DNAH5: variants seen among roughly 807,000 people sequenced by gnomAD.
DNAH5 encodes the protein axonemal beta dynein heavy chain 5.
In DNAH5, 372 loss-of-function variants were observed where a neutral mutation model predicts 518.2. The observed-to-expected ratio is 0.72, with a 90% CI of 0.66 to 0.78. The LOEUF (loss-of-function observed/expected upper bound fraction) is 0.78. Among genes scored for constraint, DNAH5 ranks in the 30% least tolerant of loss-of-function variants. DNAH5 has a pLI of 0.00. For missense variants in DNAH5, 5,523 were observed against 5,687.0 expected (o/e 0.97, Z 0.93); for synonymous variants, 2,039 against 2,025.9 (o/e 1.01, Z -0.17).
chr5:13,850,246 T>C (rs1324002407), intron 31 of DNAH5, among the ~76,000 whole-genome samples: 2 of 152,202 alleles, frequency 1.3e-5, no homozygotes, highest in Non-Finnish European at 2.9e-5. Flanking sequence ...TGTGTGTAGA[T>C]AGATATTAGA....
chr5:13,753,288 G>A lies in DNAH5; in HGVS notation c.10817C>T (p.Pro3606Leu). The change falls in exon 63 of 79, where the codon CCA becomes CTA. Residue 3606 changes from proline to leucine, a missense_variant. Physicochemically the swap from Pro to Leu is moderately conservative, Grantham distance 98. Coordinates refer to ENST00000265104, the MANE Select transcript of DNAH5 (RefSeq NM_001369.3). ...AATCCAGATCTTGCCTTGAGTCTGT[G>A]GATCAATTAACAAAGGGTAACGAGA... ...KASRYPLLID[P>L]QTQGKIWIKN... is the part of the protein sequence containing the mutation. 1 of 1,613,904 alleles carries A rather than the reference G, an allele frequency of 6.2e-7. No individual in the cohort carries two copies. The highest frequency in any genetic ancestry group is 8.5e-7 in the Non-Finnish European group (1 of 1,179,872).
At chr5:13,718,634 C>G (rs75543864) in intron 72 of DNAH5, among the ~76,000 whole-genome samples, 1,570 of 152,204 alleles carry the variant, frequency 0.01, 36 homozygotes, top group African/African-American at 0.036. Flanking sequence ...TTATGTCTAG[C>G]TGGAGAACAG....
At chr5:13,847,386 G>A (rs1766152231) in intron 31 of DNAH5, among the ~76,000 whole-genome samples, 1 of 151,706 alleles carries the variant, frequency 6.6e-6, no homozygotes, top group Non-Finnish European at 1.5e-5. Context: ...CAAAATGTTG[G>A]GTGACAGAAT....
intron 52 of DNAH5, among the ~76,000 whole-genome samples, chr5:13,782,534 T>C (rs1174446637): frequency 1.3e-5 from 2 of 152,126 alleles, no homozygotes; most frequent in East Asian, 1.9e-4. Flanking sequence ...GATCTTCCCC[T>C]GACACAGCTT....
intron 1 of DNAH5, among the ~76,000 whole-genome samples, chr5:13,981,747 T>C (rs1467154320): frequency 1.3e-5 from 2 of 152,068 alleles, no homozygotes; most frequent in African/African-American, 4.8e-5. Context: ...TCCATCAGTC[T>C]GACATCATCT....
intron 1 of DNAH5, among the ~76,000 whole-genome samples, chr5:13,942,864 G>A (rs339447): frequency 0.33 from 50,611 of 152,020 alleles, 8,778 homozygotes; most frequent in South Asian, 0.38. Flanking sequence ...TACCTAACAC[G>A]ACGGTCGTGA....
chr5:13,777,386 T>C (rs1166362493), intron 53 of DNAH5, 31 bp from the exon 54 acceptor site: 19 of 1,600,112 alleles, frequency 1.2e-5, no homozygotes, highest in East Asian at 9.0e-5. Flanking sequence ...TGTCATTAGC[T>C]AAAATATTTT....
chr5:13,829,822 AC>A (rs1458695439), intron 37 of DNAH5, 118 bp from the exon 38 acceptor site: 1 of 1,186,222 alleles, frequency 8.4e-7, no homozygotes, highest in Non-Finnish European at 1.2e-6. Flanking sequence ...GAACTCATTT[AC>A]GTATCTCAAT....
rs1390184580 is a variant in DNAH5, at chr5:13,753,214, A to G, written c.10872+19T>C. The G allele has an allele frequency of 6.3e-7, 1 of 1,598,118 alleles. No individual in the cohort carries two copies. The highest frequency in any genetic ancestry group is 2.2e-5 in the East Asian group (1 of 44,746). ...ATAAAACTTAACCGGTAGCATAAAC[A>G]TACTAAAACACAAATTACCTGGAGT... On this transcript the variant is annotated intron_variant, in intron 63 of 78. Transcript: ENST00000265104.
intron 1 of DNAH5, among the ~76,000 whole-genome samples, chr5:14,000,080 A>G (rs906510833): frequency 1.3e-5 from 2 of 151,908 alleles, no homozygotes; most frequent in East Asian, 1.9e-4. Context: ...AACCACCCCC[A>G]AAGTACTTCA....
Position 13,810,274 on chromosome 5 carries a change from A to G in DNAH5, c.7408-14T>C, listed in dbSNP as rs1454703878. The G allele has an allele frequency of 3.2e-6, 5 of 1,549,444 alleles. No individual in the cohort carries two copies. The highest frequency in any genetic ancestry group is 2.0e-5 in the Admixed American group (1 of 50,990). On this transcript the variant is annotated splice_polypyrimidine_tract_variant and intron_variant, in intron 44 of 78. Transcript: ENST00000265104. ...CCCGCCTTGCTCCTGAGAAGGAAAGACACTTTTTTTTAATAACTTGATTCT... is the reference window on the plus strand; with the variant it reads ...CCCGCCTTGCTCCTGAGAAGGAAAGGCACTTTTTTTTAATAACTTGATTCT...
At chr5:13,814,466 G>T in intron 43 of DNAH5, 139 bp downstream of exon 43, 1 of 806,766 alleles carries the variant, frequency 1.2e-6, no homozygotes, top group Non-Finnish European at 2.1e-6. Context: ...ATGTCCCAGT[G>T]CATTCAAGTA....
At chr5:13,754,129 T>C (rs1750657097) in intron 62 of DNAH5, 74 bp downstream of exon 62, 1 of 1,583,890 alleles carries the variant, frequency 6.3e-7, no homozygotes, top group African/African-American at 1.3e-5. Flanking sequence ...ACAAAGGAAT[T>C]TGATTAAAGT....
intron 32 of DNAH5, among the ~76,000 whole-genome samples, chr5:13,842,423 A>AAAAGAAGG (rs1765314753): frequency 1.3e-5 from 1 of 75,898 alleles, no homozygotes; most frequent in Non-Finnish European, 2.4e-5. Flanking sequence ...AAAAGAAAAG[A>AAAAGAAGG]AAAGAAAGAA....
At position 13,909,554 on chromosome 5, in the gene DNAH5, T is replaced by G. The variant is rs556355526; in HGVS notation, c.1644+1832A>C. Among the ~76,000 whole-genome samples, 384 of 152,202 alleles carry G rather than the reference T, an allele frequency of 2.5e-3. 21 individuals are homozygous for G. In the South Asian group the frequency reaches 0.072, roughly 28 times the overall value. ...AAGTATCAGATTATCTTTCCCTAGGTTCACATGATCAGATTCTACGTAATG... is the reference window on the plus strand; with the variant it reads ...AAGTATCAGATTATCTTTCCCTAGGGTCACATGATCAGATTCTACGTAATG... On this transcript the variant is annotated intron_variant, in intron 12 of 78. Transcript: ENST00000265104.
In DNAH5 at chr5:13,890,175, G is replaced by T. The variant is rs532287508; in HGVS notation, c.2577+801C>A. Among the ~76,000 whole-genome samples, 13 of 152,288 alleles carry T rather than the reference G, an allele frequency of 8.5e-5. No individual in the cohort carries two copies. In the East Asian group the frequency reaches 2.3e-3, roughly 27 times the overall value. The stretch of plus-strand genomic sequence containing the variant: ...TAATCCCAGTACTTTGGGAGGCCGA[G>T]GCAGGCAGGTTGCCTGAGCTCAGGA... On this transcript the variant is annotated intron_variant, in intron 17 of 78. Coordinates refer to ENST00000265104, the MANE Select transcript of DNAH5 (RefSeq NM_001369.3).
chr5:13,885,941 C>T, intron 18 of DNAH5, 23 bp downstream of exon 18: 1 of 1,605,090 alleles, frequency 6.2e-7, no homozygotes, highest in Non-Finnish European at 8.5e-7. Context: ...AAAACAAGAC[C>T]CTTTCATTAC....
intron 68 of DNAH5, 116 bp from the exon 69 acceptor site, chr5:13,729,676 C>T (rs1285891897): frequency 8.7e-6 from 8 of 923,620 alleles, no homozygotes; most frequent in African/African-American, 3.4e-5. Flanking sequence ...CTTTTTTAAG[C>T]ACAGAAATAT....
At position 13,894,798 on chromosome 5, in the gene DNAH5, T is replaced by G. The variant is rs1162539227; in HGVS notation, c.2283A>C (p.Arg761Ser). Residue 761 changes from arginine (R) to serine (S), a missense_variant, in exon 16 of 79, where the codon AGA becomes AGC. Arg to Ser is a moderately radical substitution (Grantham distance 110). Transcript: ENST00000265104. ...TGGCAGCAGGTATTTTTGACTTCAC[T>G]CTCTGATATTCAGCTAGCATCATCT... is the stretch of plus-strand genomic sequence containing the variant. ...NMKMMLAEYQ[R>S]VKSKIPAAIE... The G allele has an allele frequency of 2.9e-5, 46 of 1,613,758 alleles. No individual in the cohort carries two copies. Among genetic ancestry groups the G allele is most frequent in the Non-Finnish European group, 3.9e-5 (46 of 1,179,904 alleles).
Sources: gnomAD v4.1 joint callset for allele counts (sites outside exome capture counted in the v4.1 genomes callset) on GRCh38, gnomAD v4.1.1 for gene constraint, MANE v1.5 for transcripts, NCBI Gene and HGNC (gene_info 2026-07-23, HGNC 2026-07-21) for gene names.